The following SRGAP3 variants were observed in gnomAD, a reference collection of about 807,000 sequenced individuals.
SRGAP3 encodes SLIT-ROBO Rho GTPase-activating protein 3.
In SRGAP3, 39 loss-of-function variants were observed where a neutral mutation model predicts 121.1. The ratio of observed to expected loss-of-function variants is 0.32; its 90% CI spans 0.25 to 0.42. The LOEUF (loss-of-function observed/expected upper bound fraction) is 0.42, where lower values mean the gene tolerates loss of function less well. Among genes scored for constraint, SRGAP3 ranks in the 10% least tolerant of loss-of-function variants. The pLI, the probability that SRGAP3 is intolerant of heterozygous loss-of-function variation, is 1.00. For missense variants in SRGAP3, 1,213 were observed against 1,470.6 expected, an observed-to-expected ratio of 0.82 and a Z score of 2.86; for synonymous variants, 601 against 570.0, an observed-to-expected ratio of 1.05 and a Z score of -0.77.
chr3:9,170,403 G>C (rs569054401), intron 1 of SRGAP3, among the ~76,000 whole-genome samples: 2 of 152,246 alleles, frequency 1.3e-5, no homozygotes, highest in South Asian at 4.1e-4. Flanking sequence ...GTAGTGCGGG[G>C]AGCAGCGGGG....
chr3:9,225,541 T>A (rs1426307792), intron 1 of SRGAP3, among the ~76,000 whole-genome samples: 1 of 152,180 alleles, frequency 6.6e-6, no homozygotes, highest in East Asian at 1.9e-4. Flanking sequence ...GCTGACTGTG[T>A]GTGAGCCACA....
Position 8,985,741 on chromosome 3 carries a change from G to A in SRGAP3, c.3078C>T (p.Arg1026=). The A allele has an allele frequency of 1.3e-6, 2 of 1,598,198 alleles. No individual in the cohort carries two copies. The highest frequency in any genetic ancestry group is 2.2e-5 in the East Asian group (1 of 44,774). The part of the protein sequence containing the change: ...IVIRDPDAAM[R]RSSSSSTEMM... ...TCTCGGTGGAGGAGCTGCTGCTGCG[G>A]CGCATGGCGGCATCGGGGTCGCGGA... The change falls in exon 22 of 22, where the codon CGC becomes CGT. Residue 1026 remains arginine, a synonymous_variant. Coordinates refer to ENST00000383836, the MANE Select transcript of SRGAP3 (RefSeq NM_014850.4). This position sits in a 1 kb window ranked among gnomAD's most constrained non-coding sequence, Gnocchi z 5.1.
chr3:9,161,432 C>T (rs1235575753), intron 1 of SRGAP3, among the ~76,000 whole-genome samples: 2 of 152,216 alleles, frequency 1.3e-5, no homozygotes, highest in African/African-American at 2.4e-5. Flanking sequence ...GCACAAGACA[C>T]GTGTCATCTC....
intron 3 of SRGAP3, among the ~76,000 whole-genome samples, chr3:9,307,925 C>T (rs139277998): frequency 1.3e-3 from 195 of 152,314 alleles, no homozygotes; most frequent in African/African-American, 4.6e-3. Flanking sequence ...GAGGCCAAAG[C>T]GGGCGGATCA....
intron 1 of SRGAP3, among the ~76,000 whole-genome samples, chr3:9,172,842 A>G (rs1951032815): frequency 6.6e-6 from 1 of 152,244 alleles, no homozygotes; most frequent in Non-Finnish European, 1.5e-5. Flanking sequence ...CAGAGACGGG[A>G]TATGCCCTGG....
chr3:9,117,462 A>G (rs1948846127), intron 2 of SRGAP3, among the ~76,000 whole-genome samples: 1 of 152,266 alleles, frequency 6.6e-6, no homozygotes, highest in African/African-American at 2.4e-5. Context: ...TGCACAGGAT[A>G]TCTGCATAGA....
chr3:9,240,187 A>G (rs535501846), intron 1 of SRGAP3, among the ~76,000 whole-genome samples: 2 of 152,330 alleles, frequency 1.3e-5, no homozygotes, highest in Non-Finnish European at 2.9e-5. Flanking sequence ...ACATTATCCC[A>G]AACATAAACT....
intron 1 of SRGAP3, among the ~76,000 whole-genome samples, chr3:9,206,907 G>T (rs1040765770): frequency 1.3e-5 from 2 of 152,172 alleles, no homozygotes; most frequent in African/African-American, 4.8e-5. Flanking sequence ...AACTCCAGGA[G>T]GGCAGGGACT....
intron 1 of SRGAP3, among the ~76,000 whole-genome samples, chr3:9,179,309 T>A (rs755824680): frequency 6.6e-6 from 1 of 152,232 alleles, no homozygotes; most frequent in Non-Finnish European, 1.5e-5. Flanking sequence ...GGCTCTGGAA[T>A]CAGGCATACC....
intron 1 of SRGAP3, among the ~76,000 whole-genome samples, chr3:9,336,340 T>C (rs1477371825): frequency 6.6e-6 from 1 of 152,076 alleles, no homozygotes; most frequent in Non-Finnish European, 1.5e-5. Context: ...CTCAGCCTCC[T>C]GAGTAGCTGG....
At chr3:9,055,978 A>C (rs1271708101) in intron 8 of SRGAP3, among the ~76,000 whole-genome samples, 5 of 152,078 alleles carry the variant, frequency 3.3e-5, no homozygotes, top group Non-Finnish European at 7.4e-5. Context: ...CAGCTCACTG[A>C]AACGTCTGCC....
chr3:9,229,364 G>A (rs1290194177), intron 1 of SRGAP3, among the ~76,000 whole-genome samples: 1 of 152,174 alleles, frequency 6.6e-6, no homozygotes, highest in African/African-American at 2.4e-5. Flanking sequence ...AAAGGGGTCA[G>A]ATACTCCAGC....
chr3:9,074,054 T>C (rs1486661808), intron 4 of SRGAP3, among the ~76,000 whole-genome samples: 2 of 152,142 alleles, frequency 1.3e-5, no homozygotes, highest in African/African-American at 4.8e-5. Flanking sequence ...AATTTAAATA[T>C]TAAACAATTT....
At chr3:9,171,055 G>C (rs948862266) in intron 1 of SRGAP3, among the ~76,000 whole-genome samples, 2 of 152,208 alleles carry the variant, frequency 1.3e-5, no homozygotes, top group African/African-American at 4.8e-5. Flanking sequence ...GCTATAGATG[G>C]CCTGACCCTT....
At chr3:9,039,236 T>C (rs1462362035) in intron 10 of SRGAP3, among the ~76,000 whole-genome samples, 2 of 152,170 alleles carry the variant, frequency 1.3e-5, no homozygotes, top group African/African-American at 2.4e-5. Context: ...CTCCACACTT[T>C]CCAGGTGTTC....
chr3:9,294,155 G>A (rs1440485419), intron 3 of SRGAP3, among the ~76,000 whole-genome samples: 1 of 152,096 alleles, frequency 6.6e-6, no homozygotes, highest in Non-Finnish European at 1.5e-5. Flanking sequence ...CCATAAAAAA[G>A]AATGAGATCC....
intron 3 of SRGAP3, among the ~76,000 whole-genome samples, chr3:9,269,808 G>C (rs534480212): frequency 7.2e-5 from 11 of 152,188 alleles, no homozygotes; most frequent in African/African-American, 2.6e-4. Context: ...ACCTGTCATG[G>C]CATAGTAATG....
At chr3:9,161,029 G>A (rs1403088256) in intron 1 of SRGAP3, among the ~76,000 whole-genome samples, 1 of 152,134 alleles carries the variant, frequency 6.6e-6, no homozygotes, top group Non-Finnish European at 1.5e-5. Flanking sequence ...CAAATATAAT[G>A]GTAGAAGGAA....
chr3:9,302,575 C>A (rs1955080084), intron 3 of SRGAP3, among the ~76,000 whole-genome samples: 1 of 152,180 alleles, frequency 6.6e-6, no homozygotes, highest in Admixed American at 6.5e-5. Context: ...CCACCTGGAG[C>A]CTGTGGGTGG....
Sources: gnomAD v4.1 joint callset for allele counts (sites outside exome capture counted in the v4.1 genomes callset) on GRCh38, gnomAD v4.1.1 for gene constraint, Gnocchi (gnomAD v3.1) non-coding constraint, MANE v1.5 for transcripts, NCBI Gene and HGNC (gene_info 2026-07-23, HGNC 2026-07-21) for gene names.